FAM117B: variants seen among roughly 807,000 people sequenced by gnomAD.
The protein encoded by FAM117B is protein FAM117B.
A neutral mutation model predicts 52.8 loss-of-function variants in FAM117B; 22 were observed. That is an observed-to-expected ratio of 0.42 (90% CI 0.30 to 0.59). The LOEUF (loss-of-function observed/expected upper bound fraction) is 0.59, where lower values mean the gene tolerates loss of function less well. FAM117B is among the 20% of genes least tolerant of loss of function. The probability of loss-of-function intolerance (pLI) is 0.22; values close to 1 mark genes in which losing one functional copy is unlikely to be tolerated. For synonymous variants in FAM117B, 309 were observed against 324.1 expected, an observed-to-expected ratio of 0.95 and a Z score of 0.50; for missense variants, 678 against 802.6, an observed-to-expected ratio of 0.84 and a Z score of 1.88.
chr2:202,746,453 A>G (rs1341620797), intron 4 of FAM117B, among the ~76,000 whole-genome samples: 2 of 152,138 alleles, frequency 1.3e-5, no homozygotes, highest in Non-Finnish European at 2.9e-5. Context: ...GAGATACAGT[A>G]TAAGAATTGC....
At chr2:202,711,274 T>C (rs1040275257) in intron 2 of FAM117B, among the ~76,000 whole-genome samples, 1 of 152,192 alleles carries the variant, frequency 6.6e-6, no homozygotes. Context: ...AGATGGCATC[T>C]CATTGTAGTT....
At chr2:202,748,621 G>T (rs905197838) in intron 4 of FAM117B, among the ~76,000 whole-genome samples, 2 of 151,978 alleles carry the variant, frequency 1.3e-5, no homozygotes, top group Non-Finnish European at 2.9e-5. Context: ...AATCTGACTA[G>T]ACATTTCTTA....
At chr2:202,675,984 CAAAAAAAAAAAA>C (rs778502048) in intron 1 of FAM117B, among the ~76,000 whole-genome samples, 1 of 56,756 alleles carries the variant, frequency 1.8e-5, no homozygotes, top group Non-Finnish European at 3.9e-5. Flanking sequence ...GACACAGTCT[CAAAAAAAAAAAA>C]AAAAAAAAAG....
chr2:202,717,090 A>G lies in FAM117B; in HGVS notation c.754-7827A>G, dbSNP rs141318041. 2.8e-3 allele frequency among the ~76,000 whole-genome samples: 419 copies of G among 152,240 alleles called. 10 individuals are homozygous for G. Among genetic ancestry groups the G allele is most frequent in the Non-Finnish European group, 4.9e-4 (33 of 68,022 alleles). ...GATGCTAATCTGTGTCTGGGCATTG[A>G]AGAGTTAGGTATTTATTGTAGGTCT... is the stretch of plus-strand genomic sequence containing the variant. On this transcript the variant is annotated intron_variant, in intron 2 of 7. Coordinates refer to ENST00000392238, the MANE Select transcript of FAM117B (RefSeq NM_173511.4).
chr2:202,668,651 TA>T (rs1162076562), intron 1 of FAM117B, among the ~76,000 whole-genome samples: 3 of 142,154 alleles, frequency 2.1e-5, no homozygotes, highest in East Asian at 4.0e-4. Flanking sequence ...AATAAATAAA[TA>T]AAATAAAAGA....
chr2:202,681,801 T>A (rs994130818), intron 1 of FAM117B, among the ~76,000 whole-genome samples: 5 of 152,008 alleles, frequency 3.3e-5, no homozygotes, highest in African/African-American at 1.2e-4. Context: ...AGAGGGTGAG[T>A]CCCTGGCGAG....
chr2:202,638,669 T>C (rs1689721762), intron 1 of FAM117B, among the ~76,000 whole-genome samples: 1 of 152,190 alleles, frequency 6.6e-6, no homozygotes, highest in Non-Finnish European at 1.5e-5. Flanking sequence ...GGGTGTGTGG[T>C]ATAATAAAAA....
intron 1 of FAM117B, among the ~76,000 whole-genome samples, chr2:202,638,889 A>C (rs13384338): frequency 0.091 from 13,805 of 152,240 alleles, 2,106 homozygotes; most frequent in African/African-American, 0.31. Flanking sequence ...TCATAGTTTC[A>C]TTCCCAGGAA....
intron 1 of FAM117B, among the ~76,000 whole-genome samples, chr2:202,661,322 G>A (rs548266766): frequency 2.7e-4 from 41 of 152,266 alleles, no homozygotes; most frequent in Middle Eastern, 6.8e-3. Context: ...TTTCAGATGC[G>A]TATTTGAAAG....
In FAM117B at chr2:202,768,288, C is replaced by T. The variant is rs1692015700; in HGVS notation, c.*2524C>T. Reference sequence around the variant, plus strand: ...TATCTTTCTGTGGAGTTTCATATGTCCTTAATCTAAAGTAACTTAAAATTG... The same window carrying T: ...TATCTTTCTGTGGAGTTTCATATGTTCTTAATCTAAAGTAACTTAAAATTG... On this transcript the variant is annotated 3_prime_UTR_variant, in exon 8 of 8. Coordinates refer to ENST00000392238, the MANE Select transcript of FAM117B (RefSeq NM_173511.4). 1 of 152,030 alleles carries T rather than the reference C, an allele frequency of 6.6e-6. No individual in the cohort carries two copies. The highest frequency in any genetic ancestry group is 1.5e-5 in the Non-Finnish European group (1 of 68,012). The allele number at this position is 152,030 out of a possible 1,614,324, so 9.4% of individuals were successfully genotyped here.
intron 1 of FAM117B, among the ~76,000 whole-genome samples, chr2:202,670,277 T>C (rs902486734): frequency 1.3e-5 from 2 of 151,224 alleles, no homozygotes; most frequent in Non-Finnish European, 2.9e-5. Flanking sequence ...ACTTTCTTTT[T>C]TCTTTTCTTT....
At chr2:202,722,280 G>T (rs1295661540) in intron 2 of FAM117B, among the ~76,000 whole-genome samples, 1 of 152,056 alleles carries the variant, frequency 6.6e-6, no homozygotes, top group African/African-American at 2.4e-5. Flanking sequence ...GGGATTACAG[G>T]CATGAGCCAC....
At chr2:202,726,422 G>C in intron 4 of FAM117B, 59 bp downstream of exon 4, 1 of 1,285,624 alleles carries the variant, frequency 7.8e-7, no homozygotes, top group Admixed American at 2.0e-5. Flanking sequence ...CTGGTGATTT[G>C]TTATTTCATT....
At chr2:202,651,388 T>C (rs76272121) in intron 1 of FAM117B, among the ~76,000 whole-genome samples, 1 of 151,710 alleles carries the variant, frequency 6.6e-6, no homozygotes, top group Non-Finnish European at 1.5e-5. Context: ...TTTTTTTTTT[T>C]TGAGATGGAG....
Position 202,755,678 on chromosome 2 carries a change from T to C in FAM117B, c.1101T>C (p.Leu367=). The change falls in exon 5 of 8, where the codon CTT becomes CTC. Residue 367 remains leucine (L), a synonymous_variant. Coordinates refer to ENST00000392238, the MANE Select transcript of FAM117B (RefSeq NM_173511.4). ...AGACTGGGGAAAAGGAAGAGCAACT[T>C]ATAGTAAGTGATCTTGTATCTTAAA... ...IKETGEKEEQ[L]IPQDIPDGHR... The C allele has an allele frequency of 6.2e-7, 1 of 1,612,128 alleles. No individual in the cohort carries two copies. Among genetic ancestry groups the C allele is most frequent in the East Asian group, 2.2e-5 (1 of 44,850 alleles).
At chr2:202,712,515 C>G (rs900181698) in intron 2 of FAM117B, among the ~76,000 whole-genome samples, 2 of 140,872 alleles carry the variant, frequency 1.4e-5, no homozygotes, top group Non-Finnish European at 3.0e-5. Flanking sequence ...TTGACTTCTT[C>G]CATTACAGTT....
intron 1 of FAM117B, among the ~76,000 whole-genome samples, chr2:202,662,241 G>C (rs1240056103): frequency 6.6e-6 from 1 of 152,058 alleles, no homozygotes; most frequent in African/African-American, 2.4e-5. Flanking sequence ...GGCAGCATGG[G>C]TGAATCTGGA....
intron 2 of FAM117B, among the ~76,000 whole-genome samples, chr2:202,702,484 A>C (rs191860447): frequency 9.2e-5 from 14 of 152,362 alleles, no homozygotes; most frequent in Admixed American, 9.2e-4. Context: ...CTGATCAGTC[A>C]GCAGCCGTTA....
At chr2:202,683,188 C>T (rs565895666) in intron 1 of FAM117B, among the ~76,000 whole-genome samples, 6 of 152,126 alleles carry the variant, frequency 3.9e-5, no homozygotes, top group South Asian at 2.1e-4. Context: ...ATTAGCCGGG[C>T]GTGGTGGCAT....
Sources: gnomAD v4.1 joint callset for allele counts (sites outside exome capture counted in the v4.1 genomes callset) on GRCh38, gnomAD v4.1.1 for gene constraint, MANE v1.5 for transcripts, NCBI Gene and HGNC (gene_info 2026-07-23, HGNC 2026-07-21) for gene names.